The following RELN variants were observed in gnomAD, a reference collection of about 807,000 sequenced individuals.
RELN encodes the protein reelin.
A neutral mutation model predicts 427.6 loss-of-function variants in RELN; 108 were observed. That is an observed-to-expected ratio of 0.25 (90% CI 0.22 to 0.30). RELN has a LOEUF of 0.30. RELN is among the 10% of genes least tolerant of loss of function. RELN has a pLI of 1.00. For synonymous variants in RELN, 1,524 were observed against 1,513.4 expected, an observed-to-expected ratio of 1.01 and a Z score of -0.16; for missense variants, 3,715 against 4,302.8, an observed-to-expected ratio of 0.86 and a Z score of 3.82.
At chr7:103,633,478 T>C (rs967814618) in intron 19 of RELN, among the ~76,000 whole-genome samples, 1 of 151,430 alleles carries the variant, frequency 6.6e-6, no homozygotes, top group Non-Finnish European at 1.5e-5. Context: ...GAGATAAATA[T>C]ATATATATAT....
intron 3 of RELN, among the ~76,000 whole-genome samples, chr7:103,809,405 G>C (rs557436096): frequency 2.0e-5 from 3 of 152,242 alleles, no homozygotes; most frequent in East Asian, 3.9e-4. Context: ...GCGGGAGAGA[G>C]AGAGGGAAAC....
chr7:103,814,965 G>T (rs1022243384), intron 3 of RELN, among the ~76,000 whole-genome samples: 1 of 152,238 alleles, frequency 6.6e-6, no homozygotes, highest in Non-Finnish European at 1.5e-5. Flanking sequence ...GGAAGGGACA[G>T]TTGCAAAGTC....
At chr7:103,714,420 G>A (rs1789885186) in intron 8 of RELN, among the ~76,000 whole-genome samples, 1 of 152,172 alleles carries the variant, frequency 6.6e-6, no homozygotes, top group Non-Finnish European at 1.5e-5. Context: ...GGTCCTAAGT[G>A]TGCTATTTTA....
intron 4 of RELN, among the ~76,000 whole-genome samples, chr7:103,761,734 G>A (rs920956845): frequency 6.6e-6 from 1 of 152,142 alleles, no homozygotes; most frequent in South Asian, 2.1e-4. Flanking sequence ...GGGATTACAG[G>A]CGTGAGCCAC....
chr7:103,739,722 C>T lies in RELN; in HGVS notation c.656+9704G>A, dbSNP rs115505022. 6.7e-3 allele frequency among the ~76,000 whole-genome samples: 1,016 copies of T among 152,264 alleles called. 11 individuals are homozygous for T. Among genetic ancestry groups the T allele is most frequent in the African/African-American group, 0.023 (972 of 41,544 alleles). On this transcript the variant is annotated intron_variant, in intron 6 of 64. Transcript: ENST00000428762. ...TCATTCAAACAAGTCAATCAGCAGC[C>T]GCTGGGGGAGTGGGGATATGAAGGG...
At position 103,746,796 on chromosome 7, in the gene RELN, A is replaced by T. The variant is rs545265745; in HGVS notation, c.656+2630T>A. ...CTGGAGAGGATGTGGAGAAATAGGA[A>T]CACTTTTACACTGTTGGTGGGACTG... is the stretch of plus-strand genomic sequence containing the variant. On this transcript the variant is annotated intron_variant, in intron 6 of 64. Transcript: ENST00000428762. 4.8e-3 allele frequency among the ~76,000 whole-genome samples: 728 copies of T among 150,878 alleles called. 7 individuals are homozygous for T. The highest frequency in any genetic ancestry group is 0.017 in the African/African-American group (695 of 40,540).
At chr7:103,846,772 T>C (rs776097249) in intron 2 of RELN, among the ~76,000 whole-genome samples, 3 of 152,210 alleles carry the variant, frequency 2.0e-5, no homozygotes, top group Non-Finnish European at 4.4e-5. Flanking sequence ...GTGAAGGATA[T>C]GAACAGACAC....
chr7:103,805,749 A>G (rs944226463), intron 3 of RELN, among the ~76,000 whole-genome samples: 1 of 152,210 alleles, frequency 6.6e-6, no homozygotes, highest in African/African-American at 2.4e-5. Context: ...AGTCATTTTT[A>G]AAATGAAGTA....
At chr7:103,622,839 T>A (rs1832250149) in intron 20 of RELN, among the ~76,000 whole-genome samples, 1 of 152,218 alleles carries the variant, frequency 6.6e-6, no homozygotes, top group Non-Finnish European at 1.5e-5. Context: ...TGAATACTTG[T>A]TATTTCCCTC....
intron 3 of RELN, among the ~76,000 whole-genome samples, chr7:103,831,733 G>A (rs935252869): frequency 1.3e-5 from 2 of 152,090 alleles, no homozygotes; most frequent in Non-Finnish European, 2.9e-5. Flanking sequence ...GCGTGCCAAG[G>A]GAGATAACAG....
At chr7:103,829,841 C>T (rs1209826470) in intron 3 of RELN, among the ~76,000 whole-genome samples, 1 of 151,900 alleles carries the variant, frequency 6.6e-6, no homozygotes, top group Non-Finnish European at 1.5e-5. Context: ...CTAATTCTTA[C>T]TACGGGATTT....
At chr7:103,652,996 A>G (rs1426781454) in intron 13 of RELN, among the ~76,000 whole-genome samples, 1 of 152,026 alleles carries the variant, frequency 6.6e-6, no homozygotes, top group African/African-American at 2.4e-5. Flanking sequence ...CGTGTGTTTG[A>G]TCAGGCTCTC....
chr7:103,728,028 T>G, intron 7 of RELN, 83 bp downstream of exon 7: 1 of 1,283,784 alleles, frequency 7.8e-7, no homozygotes, highest in Non-Finnish European at 1.1e-6. Context: ...ATCTGAACTT[T>G]AAGAGCATAA....
chr7:103,610,693 A>G lies in RELN; in HGVS notation c.3008+2T>C. On this transcript the variant is annotated splice_donor_variant, in intron 22 of 64. Transcript: ENST00000428762. LOFTEE classifies it high-confidence loss of function. Reference sequence around the variant, plus strand: ...CAGCCATATCTAAAGATGTCATCTCACCAAGTTTTCTGGGGAAGAAGCACT... The same window carrying G: ...CAGCCATATCTAAAGATGTCATCTCGCCAAGTTTTCTGGGGAAGAAGCACT... 1 of 1,465,030 alleles carries G rather than the reference A, an allele frequency of 6.8e-7. No individual in the cohort carries two copies. The highest frequency in any genetic ancestry group is 9.6e-7 in the Non-Finnish European group (1 of 1,044,612). 90.8% of individuals were successfully genotyped at this position (1,465,030 alleles called of 1,614,324 possible).
At chr7:103,823,894 T>A (rs1183481994) in intron 3 of RELN, among the ~76,000 whole-genome samples, 2 of 151,992 alleles carry the variant, frequency 1.3e-5, no homozygotes, top group African/African-American at 4.8e-5. Flanking sequence ...TTAAAAAATT[T>A]ATCTTGTTTT....
chr7:103,522,243 G>A, intron 47 of RELN, 44 bp from the exon 48 acceptor site: 1 of 1,584,580 alleles, frequency 6.3e-7, no homozygotes, highest in South Asian at 1.1e-5. Flanking sequence ...ATCAGACAAA[G>A]CCCCTGCAAG....
At chr7:103,799,470 G>A (rs565124899) in intron 3 of RELN, among the ~76,000 whole-genome samples, 1 of 152,246 alleles carries the variant, frequency 6.6e-6, no homozygotes, top group African/African-American at 2.4e-5. Flanking sequence ...TTACAGCCCA[G>A]TTCATGCTTT....
chr7:103,557,184 A>G, intron 37 of RELN, 25 bp from the exon 38 acceptor site: 1 of 1,564,734 alleles, frequency 6.4e-7, no homozygotes, highest in Middle Eastern at 1.7e-4. Context: ...ACACAGGTAT[A>G]AAACATACTG....
intron 2 of RELN, among the ~76,000 whole-genome samples, chr7:103,893,627 G>T (rs1794896566): frequency 6.6e-6 from 1 of 152,138 alleles, no homozygotes; most frequent in South Asian, 2.1e-4. Flanking sequence ...CACAGTGTTG[G>T]AGAGACCTTT....
Sources: gnomAD v4.1 joint callset for allele counts (sites outside exome capture counted in the v4.1 genomes callset) on GRCh38, gnomAD v4.1.1 for gene constraint, MANE v1.5 for transcripts, NCBI Gene and HGNC (gene_info 2026-07-23, HGNC 2026-07-21) for gene names.